Variants in ANO1 observed in about 807,000 individuals in gnomAD.
The protein encoded by ANO1 is anoctamin 1.
ANO1 carries 59 observed loss-of-function variants against 124.0 expected under a neutral mutation model. The ratio of observed to expected loss-of-function variants is 0.48; its 90% CI spans 0.39 to 0.59. The LOEUF (loss-of-function observed/expected upper bound fraction) is 0.59, where lower values mean the gene tolerates loss of function less well. Ranked by LOEUF, ANO1 falls within the 20% of genes least tolerant of loss-of-function variation. The pLI, the probability that ANO1 is intolerant of heterozygous loss-of-function variation, is 0.00. For missense variants in ANO1, 1,059 were observed against 1,328.0 expected (o/e 0.80, Z 3.15); for synonymous variants, 529 against 532.0 (o/e 0.99, Z 0.08).
chr11:70,036,989 G>A (rs1311772391), intron 1 of ANO1, among the ~76,000 whole-genome samples: 1 of 152,234 alleles, frequency 6.6e-6, no homozygotes, highest in Non-Finnish European at 1.5e-5. Context: ...CAACATCTCA[G>A]GCAGCAGCTG....
intron 11 of ANO1, among the ~76,000 whole-genome samples, chr11:70,145,896 C>T (rs1458369073): frequency 6.8e-6 from 1 of 146,418 alleles, no homozygotes; most frequent in Non-Finnish European, 1.5e-5. Flanking sequence ...GAGATCACAC[C>T]ACTGCACTCC....
upstream of ANO1, among the ~76,000 whole-genome samples, chr11:70,073,807 G>T (rs573545534): frequency 2.6e-5 from 4 of 152,086 alleles, no homozygotes; most frequent in South Asian, 8.3e-4. Flanking sequence ...GATGTCCATG[G>T]ATTCTGTTGG....
intron 1 of ANO1, among the ~76,000 whole-genome samples, chr11:70,004,439 G>A (rs1218746103): frequency 6.6e-6 from 1 of 152,208 alleles, no homozygotes; most frequent in Non-Finnish European, 1.5e-5. Context: ...GCCCTTCGAG[G>A]GAGGTACTGC....
At chr11:70,130,103 AAAAC>A (rs1199474197) in intron 10 of ANO1, among the ~76,000 whole-genome samples, 2 of 152,258 alleles carry the variant, frequency 1.3e-5, no homozygotes, top group East Asian at 1.9e-4. Context: ...AGAAAGTCAA[AAAAC>A]AAACACCCAC....
chr11:70,089,275 T>C (rs35091029), intron 2 of ANO1, among the ~76,000 whole-genome samples: 23,767 of 152,184 alleles, frequency 0.16, 2,213 homozygotes, highest in African/African-American at 0.25. Flanking sequence ...ATGTTGAAAA[T>C]GAACGTTGGC....
At position 70,182,589 on chromosome 11, in the gene ANO1, G is replaced by A. The variant is rs781522786; in HGVS notation, c.2491G>A (p.Val831Ile). ...TAAGAACGGGACCATGCACGGCTTC[G>A]TCAACCACACCCTCTCCTCCTTCAA... ...YSKNGTMHGFVNHTLSSFNVS... is the reference protein window; with the variant it reads ...YSKNGTMHGFINHTLSSFNVS... The change falls in exon 24 of 26, where the codon GTC becomes ATC. Residue 831 changes from valine to isoleucine, a missense_variant. Physicochemically the swap from Val to Ile is conservative, Grantham distance 29. Around this residue, in one of 2 missense-constraint regions of ANO1, gnomAD observed 809 missense variants for 1,094.9 expected, o/e 0.74. Coordinates refer to ENST00000355303, the MANE Select transcript of ANO1 (RefSeq NM_018043.7). 30 of 1,613,484 alleles carry A rather than the reference G, an allele frequency of 1.9e-5. No individual in the cohort carries two copies. The highest frequency in any genetic ancestry group is 3.3e-5 in the South Asian group (3 of 91,054).
chr11:70,030,190 C>T (rs1414921172), intron 1 of ANO1, among the ~76,000 whole-genome samples: 2 of 152,230 alleles, frequency 1.3e-5, no homozygotes, highest in Non-Finnish European at 2.9e-5. Context: ...TGACCGAAGA[C>T]GCCTTGGGGG....
chr11:70,124,465 T>A (rs2046411362), intron 9 of ANO1, 51 bp downstream of exon 9: 2 of 1,561,420 alleles, frequency 1.3e-6, no homozygotes, highest in East Asian at 4.5e-5. Flanking sequence ...CCGATGGCAG[T>A]CGGATAACAT....
chr11:70,104,795 C>G (rs1893082), intron 4 of ANO1, among the ~76,000 whole-genome samples: 82,462 of 151,862 alleles, frequency 0.54, 22,656 homozygotes, highest in South Asian at 0.62. Flanking sequence ...GAAGCTCTGG[C>G]GGGCAGGAGG....
At chr11:70,114,249 G>T (rs2045894934) in intron 7 of ANO1, among the ~76,000 whole-genome samples, 1 of 152,252 alleles carries the variant, frequency 6.6e-6, no homozygotes, top group East Asian at 1.9e-4. Flanking sequence ...AAGGAGTGGA[G>T]CTCGGAAGCC....
intron 1 of ANO1, among the ~76,000 whole-genome samples, chr11:70,039,838 C>G (rs1555004863): frequency 1.3e-5 from 2 of 152,208 alleles, no homozygotes; most frequent in East Asian, 3.8e-4. Context: ...AAAGAGCCAG[C>G]TTTTCAGCTC....
intron 6 of ANO1, among the ~76,000 whole-genome samples, chr11:70,109,122 A>G (rs1342812520): frequency 6.6e-6 from 1 of 152,114 alleles, no homozygotes; most frequent in Non-Finnish European, 1.5e-5. Flanking sequence ...GAGCCGTGCC[A>G]TAGGGTAGCA....
At chr11:69,967,110 A>C in the ANO1 span, among the ~76,000 whole-genome samples, 1 of 152,222 alleles carries the variant, frequency 6.6e-6, no homozygotes. Flanking sequence ...ATGTCCCCTG[A>C]GGGCACAGTC....
At position 70,160,853 on chromosome 11, in the gene ANO1, C is replaced by T. The variant is rs140895879; in HGVS notation, c.1579-308C>T. Among the ~76,000 whole-genome samples, 573 of 152,348 alleles carry T rather than the reference C, an allele frequency of 3.8e-3. 3 individuals carry two copies. Among genetic ancestry groups the T allele is most frequent in the African/African-American group, 0.012 (504 of 41,582 alleles). Reference sequence around the variant, plus strand: ...GGTAGCACAAAGATCTTGTGAACTGCAGGCTTGGGCAGACCGCCTGGTAAA... The same window carrying T: ...GGTAGCACAAAGATCTTGTGAACTGTAGGCTTGGGCAGACCGCCTGGTAAA... On this transcript the variant is annotated intron_variant, in intron 16 of 25. Transcript: ENST00000355303.
At chr11:70,144,124 A>C (rs2047259127) in intron 11 of ANO1, among the ~76,000 whole-genome samples, 1 of 151,998 alleles carries the variant, frequency 6.6e-6, no homozygotes, top group Non-Finnish European at 1.5e-5. Context: ...TTTACCATAA[A>C]TATTTATATT....
chr11:70,121,843 CT>C (rs2046293678), intron 8 of ANO1, among the ~76,000 whole-genome samples: 4 of 52,598 alleles, frequency 7.6e-5, no homozygotes, highest in African/African-American at 2.9e-4. Context: ...CTCTGTCTGT[CT>C]CTCTATCTCT....
At chr11:70,099,361 G>C (rs565081212) in intron 2 of ANO1, among the ~76,000 whole-genome samples, 2 of 152,180 alleles carry the variant, frequency 1.3e-5, no homozygotes, top group Non-Finnish European at 2.9e-5. Flanking sequence ...AGACCCTGTT[G>C]CTCATGTAAA....
At chr11:70,176,139 G>A (rs903813355) in intron 22 of ANO1, among the ~76,000 whole-genome samples, 7 of 146,476 alleles carry the variant, frequency 4.8e-5, no homozygotes, top group Non-Finnish European at 7.4e-5. Flanking sequence ...CAGATTATGG[G>A]TATATATATA....
intron 2 of ANO1, among the ~76,000 whole-genome samples, chr11:70,095,364 AAGAAAGAAAGAAAGAAAG>A (rs1462517251): frequency 3.7e-5 from 1 of 27,306 alleles, no homozygotes; most frequent in African/African-American, 1.0e-4. Context: ...GAAAGAAAGA[AAGAAAGAAAGAAAGAAAG>A]AAAGAAAGAA....
Sources: allele counts gnomAD v4.1 joint callset (sites outside exome capture counted in the v4.1 genomes callset), GRCh38; gene constraint gnomAD v4.1.1; regional missense constraint gnomAD v4.1.1; transcripts MANE v1.5; gene names NCBI Gene and HGNC (gene_info 2026-07-23, HGNC 2026-07-21).